BCORL1: variants seen among roughly 807,000 people sequenced by gnomAD.
BCORL1 encodes the protein BCL6 corepressor like 1, also known as BCL-6 corepressor-like protein 1.
BCORL1 carries 7 observed loss-of-function variants against 87.6 expected under a neutral mutation model. The observed-to-expected ratio is 0.08, with a 90% CI of 0.05 to 0.15. The LOEUF (loss-of-function observed/expected upper bound fraction) is 0.15, where lower values mean the gene tolerates loss of function less well. Ranked by LOEUF, BCORL1 falls within the 10% of genes least tolerant of loss-of-function variation. The pLI is 1.00. For missense variants in BCORL1, 1,215 were observed against 1,499.7 expected, an observed-to-expected ratio of 0.81 and a Z score of 3.13; for synonymous variants, 591 against 634.4, an observed-to-expected ratio of 0.93 and a Z score of 1.03.
rs1049263159 is a variant in BCORL1, at chrX:130,025,466, G to C, written c.4078+87G>C. Reference sequence around the variant, plus strand: ...CATCTCTACGCCAGCCAAAGGCTTCGGGACCCAGAGAAACCCGGTGCTATG... The same window carrying C: ...CATCTCTACGCCAGCCAAAGGCTTCCGGACCCAGAGAAACCCGGTGCTATG... On this transcript the variant is annotated intron_variant, in intron 7 of 13. Coordinates refer to ENST00000540052, the MANE Select transcript of BCORL1 (RefSeq NM_001379451.1). 2.1e-5 allele frequency: 19 copies of C among 895,544 alleles called. No homozygotes were observed. The South Asian group carries it at 4.6e-4, about 22-fold the overall frequency. 73.8% of individuals were successfully genotyped at this position (895,544 alleles called of 1,213,427 possible).
Position 130,015,538 on chromosome X carries a change from C to T in BCORL1, c.2766C>T (p.Val922=). ...CTTATGAAGAACAAGTCAATCCTGTCCTCTTGACCCTCAGCCCTCAGACTG... is the reference window on the plus strand; with the variant it reads ...CTTATGAAGAACAAGTCAATCCTGTTCTCTTGACCCTCAGCCCTCAGACTG... ...AKPYEEQVNP[V]LLTLSPQTGT... The change falls in exon 4 of 14, where the codon GTC becomes GTT. Residue 922 remains valine, a synonymous_variant. Transcript: ENST00000540052. 1 of 1,212,293 alleles carries T rather than the reference C, an allele frequency of 8.2e-7. No homozygotes were observed. Among genetic ancestry groups the T allele is most frequent in the South Asian group, 1.8e-5 (1 of 57,034 alleles).
upstream of BCORL1, chrX:129,982,596 G>A (rs1168413705): frequency 9.0e-6 from 1 of 110,635 alleles, no homozygotes; most frequent in Non-Finnish European, 1.9e-5. Context: ...ACCAGGCTTC[G>A]CTCGCACACA....
rs748676103 is a variant in BCORL1 at position 130,025,264 on chromosome X, A to G, written c.3963A>G (p.Glu1321=). 5.0e-6 allele frequency: 6 copies of G among 1,208,644 alleles called. No homozygotes were observed. The African/African-American group carries it at 1.1e-4, about 21-fold the overall frequency. The change falls in exon 7 of 14, where the codon GAA becomes GAG. Residue 1321 remains glutamate (E), a synonymous_variant. Coordinates refer to ENST00000540052, the MANE Select transcript of BCORL1 (RefSeq NM_001379451.1). ...ACACCAATGAGGAGGAGGAGGAAGA[A>G]GAGGAGGAGGGCCTGCTGAAGAGGA... ...MWDTNEEEEE[E]EEEGLLKRKK...
At chrX:130,043,766 ATATATATATATATATATATT>A (rs1260586039) in intron 11 of BCORL1, among the ~76,000 whole-genome samples, 65 of 16,631 alleles carry the variant, frequency 3.9e-3, no homozygotes, top group Non-Finnish European at 5.3e-3. Context: ...ATATATATAT[ATATATATATATATATATATT>A]TTTTTTTTTT....
At chrX:130,001,344 C>G (rs1308932109) in intron 1 of BCORL1, among the ~76,000 whole-genome samples, 1 of 112,483 alleles carries the variant, frequency 8.9e-6, no homozygotes, top group Admixed American at 9.5e-5. Context: ...CCACCTTGGC[C>G]TCCCGAAGTG....
intron 4 of BCORL1, among the ~76,000 whole-genome samples, chrX:130,016,551 C>T (rs1237666689): frequency 1.8e-5 from 2 of 111,682 alleles, no homozygotes; most frequent in African/African-American, 6.5e-5. Context: ...GAATAACAGG[C>T]TCTTCCTTGA....
rs377306965 is a variant in BCORL1 at position 130,029,639 on chromosome X, AT to A, written c.4305+789del. Among the ~76,000 whole-genome samples the A allele has an allele frequency of 3.9e-3, 390 of 100,297 alleles. 1 individual carries two copies. Among genetic ancestry groups the A allele is most frequent in the Non-Finnish European group, 5.9e-3 (289 of 49,134 alleles). The allele number at this position is 100,297 out of a possible 115,157, so 87.1% of individuals were successfully genotyped here. On this transcript the variant is annotated intron_variant, in intron 8 of 13. Coordinates refer to ENST00000540052, the MANE Select transcript of BCORL1 (RefSeq NM_001379451.1). ...GCTTGTTTTGGTGGTCGTGATTCTT[AT>A]TTTTTTTTTTCTCTCTCTCTCTCTC...
At chrX:130,039,364 C>G in intron 11 of BCORL1, 82 bp downstream of exon 11, 2 of 1,112,291 alleles carry the variant, frequency 1.8e-6, no homozygotes, top group Non-Finnish European at 1.2e-6. Flanking sequence ...CTCTTCATCT[C>G]CTTCCACCTT....
intron 7 of BCORL1, among the ~76,000 whole-genome samples, chrX:130,025,775 C>T (rs1421425031): frequency 1.8e-5 from 2 of 110,742 alleles, no homozygotes; most frequent in Non-Finnish European, 1.9e-5. Flanking sequence ...CAGAGGGCAT[C>T]GGCTGCCTTT....
intron 8 of BCORL1, among the ~76,000 whole-genome samples, chrX:130,032,868 TCTC>T (rs1363928061): frequency 1.8e-5 from 2 of 109,134 alleles, no homozygotes; most frequent in Non-Finnish European, 3.8e-5. Context: ...TTCAAGTAAT[TCTC>T]CTGCCTCAGC....
chrX:129,992,121 C>T (rs1216716358), intron 1 of BCORL1, among the ~76,000 whole-genome samples: 1 of 103,327 alleles, frequency 9.7e-6, no homozygotes, highest in Non-Finnish European at 2.0e-5. Flanking sequence ...AGGCCCATAC[C>T]ACCAGGCACA....
In BCORL1 at chrX:130,015,937, T is replaced by A. The variant is rs1332765592; in HGVS notation, c.3165T>A (p.Asp1055Glu). Residue 1055 changes from aspartate (D) to glutamate (E), a missense_variant, in exon 4 of 14, where the codon GAT becomes GAA. Asp to Glu is a conservative substitution (Grantham distance 45). Transcript: ENST00000540052. ...GGCGAGTGAAAATGGAGAAGGTGGATGGTGATGTGGTCTTCAATTTAGCCA... is the reference window on the plus strand; with the variant it reads ...GGCGAGTGAAAATGGAGAAGGTGGAAGGTGATGTGGTCTTCAATTTAGCCA... ...DLGRVKMEKV[D>E]GDVVFNLATC... 8.3e-7 allele frequency: 1 copy of A among 1,211,353 alleles called. No individual in the cohort carries two copies. The highest frequency in any genetic ancestry group is 3.0e-5 in the East Asian group (1 of 33,815).
At chrX:130,006,480 C>T (rs995699497) in intron 2 of BCORL1, among the ~76,000 whole-genome samples, 2 of 108,680 alleles carry the variant, frequency 1.8e-5, no homozygotes, top group African/African-American at 6.7e-5. Context: ...CCTGCCTCAG[C>T]CTCCCGAGTA....
Position 130,013,110 on chromosome X carries a change from T to G in BCORL1, c.338T>G (p.Val113Gly). 8.3e-7 allele frequency: 1 copy of G among 1,210,197 alleles called. No individual in the cohort carries two copies. Among genetic ancestry groups the G allele is most frequent in the Non-Finnish European group, 1.1e-6 (1 of 894,077 alleles). The change falls in exon 4 of 14, where the codon GTG (valine) becomes GGG (glycine). Residue 113 changes from valine to glycine, a missense_variant. Val to Gly is a moderately radical substitution (Grantham distance 109, BLOSUM62 -3). Transcript: ENST00000540052. ...GTGGCAGAGGCTGAGGGCCTCTTGG[T>G]GCCCCTGAGCAGCCCAGGAGACGGG... is the stretch of plus-strand genomic sequence containing the variant. ...GNVAEAEGLLVPLSSPGDGLK... is the reference protein window; with the variant it reads ...GNVAEAEGLLGPLSSPGDGLK...
chrX:130,025,118 C>A lies in BCORL1; in HGVS notation c.3817C>A (p.Arg1273=). 1 of 1,211,832 alleles carries A rather than the reference C, an allele frequency of 8.3e-7. No individual in the cohort carries two copies. The highest frequency in any genetic ancestry group is 1.1e-6 in the Non-Finnish European group (1 of 895,524). ...GCGTCGAAAGGTGAGAAAGACCCAA[C>A]GGGACACCCAGTATCGCAGCCACCA... ...AKRRKVRKTQ[R]DTQYRSHHAQ... Residue 1273 remains arginine, a synonymous_variant, in exon 7 of 14, where the codon CGG becomes AGG. Coordinates refer to ENST00000540052, the MANE Select transcript of BCORL1 (RefSeq NM_001379451.1).
In BCORL1 at chrX:130,037,300, T is replaced by C. The variant is rs757155425; in HGVS notation, c.4528-67T>C. 4 of 1,102,989 alleles carry C rather than the reference T, an allele frequency of 3.6e-6. No individual in the cohort carries two copies. The African/African-American group carries it at 5.5e-5, about 15-fold the overall frequency. The allele number at this position is 1,102,989 out of a possible 1,213,427, so 90.9% of individuals were successfully genotyped here. On this transcript the variant is annotated intron_variant, in intron 9 of 13. Transcript: ENST00000540052. ...CCTCAGATATTTGGGGAGCTTTGAG[T>C]CTCAGGGTTATATAAGTTCAAGAAT...
intron 1 of BCORL1, among the ~76,000 whole-genome samples, chrX:129,986,806 G>A (rs1010981153): frequency 1.3e-4 from 14 of 110,824 alleles, no homozygotes; most frequent in Admixed American, 1.1e-3. Context: ...GCAACAGAGC[G>A]AGAGTCCATC....
chrX:130,038,899 A>AAG (rs1491551113), intron 10 of BCORL1, among the ~76,000 whole-genome samples: 12 of 111,508 alleles, frequency 1.1e-4, no homozygotes, highest in Admixed American at 3.8e-4. Context: ...AGGGGAACGT[A>AAG]AGAGAGAGAG....
chrX:130,045,070 AC>A (rs964166462), intron 11 of BCORL1, among the ~76,000 whole-genome samples: 2 of 108,659 alleles, frequency 1.8e-5, no homozygotes, highest in Non-Finnish European at 3.8e-5. Context: ...CAGACGGTGA[AC>A]CCTTTCTACC....
Sources: gnomAD v4.1 joint callset for allele counts (sites outside exome capture counted in the v4.1 genomes callset) on GRCh38, gnomAD v4.1.1 for gene constraint, MANE v1.5 for transcripts, NCBI Gene and HGNC (gene_info 2026-07-23, HGNC 2026-07-21) for gene names.